ARID5B: variants seen among roughly 807,000 people sequenced by gnomAD.
The protein encoded by ARID5B is AT-rich interaction domain 5B.
A neutral mutation model predicts 97.2 loss-of-function variants in ARID5B; 13 were observed. The observed-to-expected ratio is 0.13, with a 90% CI of 0.09 to 0.21. ARID5B has a LOEUF of 0.21. Ranked by LOEUF, ARID5B falls within the 10% of genes least tolerant of loss-of-function variation. The probability of loss-of-function intolerance (pLI) is 1.00; values close to 1 mark genes in which losing one functional copy is unlikely to be tolerated. For synonymous variants in ARID5B, 556 were observed against 570.3 expected, an observed-to-expected ratio of 0.97 and a Z score of 0.36; for missense variants, 1,210 against 1,465.3, an observed-to-expected ratio of 0.83 and a Z score of 2.84.
In ARID5B at chr10:62,091,353, G is replaced by A; in HGVS notation, c.1890G>A (p.Val630=). The A allele has an allele frequency of 6.2e-7, 1 of 1,614,184 alleles. No individual in the cohort carries two copies. The highest frequency in any genetic ancestry group is 8.5e-7 in the Non-Finnish European group (1 of 1,180,044). Residue 630 remains valine, a synonymous_variant, in exon 10 of 10, where the codon GTG becomes GTA. Coordinates refer to ENST00000279873, the MANE Select transcript of ARID5B (RefSeq NM_032199.3). The part of the protein sequence containing the change: ...ADYIANCTVK[V]DQLGSDDIHN... ...ACATTGCCAACTGCACCGTGAAGGTGGACCAGCTGGGCAGTGACGACATCC... is the reference window on the plus strand; with the variant it reads ...ACATTGCCAACTGCACCGTGAAGGTAGACCAGCTGGGCAGTGACGACATCC...
chr10:62,077,522 A>G (rs1445576704), intron 8 of ARID5B, among the ~76,000 whole-genome samples: 1 of 124,230 alleles, frequency 8.0e-6, no homozygotes, highest in Non-Finnish European at 1.9e-5. Flanking sequence ...TCTTTGTTTG[A>G]CCCCCCCCAA....
At chr10:62,072,833 A>G (rs1346121376) in intron 8 of ARID5B, among the ~76,000 whole-genome samples, 1 of 152,210 alleles carries the variant, frequency 6.6e-6, no homozygotes, top group African/African-American at 2.4e-5. Context: ...AGAAAAAGCT[A>G]GGATTACCGT....
intron 3 of ARID5B, among the ~76,000 whole-genome samples, chr10:61,958,838 T>A (rs1838430608): frequency 6.6e-6 from 1 of 152,218 alleles, no homozygotes; most frequent in South Asian, 2.1e-4. Context: ...ATATGTATAT[T>A]GTATATTCCT....
At chr10:62,047,081 G>A (rs1335721083) in intron 4 of ARID5B, 1 of 152,160 alleles carries the variant, frequency 6.6e-6, no homozygotes, top group Non-Finnish European at 1.5e-5. Flanking sequence ...TCTGGATAAA[G>A]TCCAGTTGCC....
At chr10:61,951,485 A>T (rs1169675120) in intron 3 of ARID5B, among the ~76,000 whole-genome samples, 1 of 152,222 alleles carries the variant, frequency 6.6e-6, no homozygotes, top group African/African-American at 2.4e-5. Flanking sequence ...CATTCCGCTT[A>T]GGATCCCTGT....
chr10:62,045,448 T>C (rs1839694259), intron 4 of ARID5B, among the ~76,000 whole-genome samples: 1 of 2,038 alleles, frequency 4.9e-4, no homozygotes, highest in Non-Finnish European at 0.083. Flanking sequence ...TGCCAGGGTA[T>C]TTTTTTTTTT....
intron 2 of ARID5B, among the ~76,000 whole-genome samples, chr10:61,907,864 G>A (rs772787785): frequency 2.0e-5 from 3 of 152,238 alleles, no homozygotes; most frequent in Admixed American, 6.5e-5. Flanking sequence ...TTACCAGATC[G>A]CTGACAAAGT....
intron 4 of ARID5B, among the ~76,000 whole-genome samples, chr10:62,034,676 G>A (rs545185185): frequency 2.6e-5 from 4 of 152,346 alleles, no homozygotes; most frequent in South Asian, 4.1e-4. Flanking sequence ...TTGCAATCAA[G>A]ATAAAAGCAT....
intron 2 of ARID5B, 67 bp from the exon 3 acceptor site, chr10:61,940,116 G>A: frequency 1.4e-6 from 2 of 1,458,282 alleles, no homozygotes; most frequent in Admixed American, 1.7e-5. Flanking sequence ...GGGCCTTGTG[G>A]AGAGTGGATC....
At chr10:61,904,867 T>G (rs1050880662) in intron 2 of ARID5B, among the ~76,000 whole-genome samples, 1 of 152,220 alleles carries the variant, frequency 6.6e-6, no homozygotes, top group Non-Finnish European at 1.5e-5. Flanking sequence ...AGTTTCCCAA[T>G]GCAGATCGGT....
chr10:61,936,876 A>G (rs1336102980), intron 2 of ARID5B, among the ~76,000 whole-genome samples: 1 of 148,182 alleles, frequency 6.7e-6, no homozygotes, highest in Non-Finnish European at 1.5e-5. Context: ...AAGAAAAAAA[A>G]ACTTTGAAGT....
chr10:61,981,832 A>G (rs867645374), intron 3 of ARID5B, among the ~76,000 whole-genome samples: 1 of 152,220 alleles, frequency 6.6e-6, no homozygotes, highest in African/African-American at 2.4e-5. Flanking sequence ...CCAAGGATGC[A>G]TTAAGCAGAA....
At chr10:61,921,976 G>T (rs1333482678) in intron 2 of ARID5B, among the ~76,000 whole-genome samples, 2 of 152,030 alleles carry the variant, frequency 1.3e-5, no homozygotes, top group Non-Finnish European at 2.9e-5. Flanking sequence ...CAAATAGCTG[G>T]GACCACAGGC....
At chr10:61,901,821 C>CT in intron 1 of ARID5B, 91 bp downstream of exon 1, 1 of 1,030,640 alleles carries the variant, frequency 9.7e-7, no homozygotes, top group Non-Finnish European at 1.5e-6. Context: ...CCACCCACAC[C>CT]CCCCACAAAC....
intron 4 of ARID5B, among the ~76,000 whole-genome samples, chr10:62,011,521 CA>C (rs756289147): frequency 2.6e-5 from 4 of 152,130 alleles, no homozygotes; most frequent in Non-Finnish European, 5.9e-5. Context: ...CCCTTGGTGC[CA>C]GTGTCACCTA....
Position 61,975,670 on chromosome 10 carries a change from G to T in ARID5B, c.503-24421G>T, listed in dbSNP as rs1316229165. Among the ~76,000 whole-genome samples, 3 of 152,050 alleles carry T rather than the reference G, an allele frequency of 2.0e-5. No homozygotes were observed. The East Asian group carries it at 5.8e-4, about 29-fold the overall frequency. On this transcript the variant is annotated intron_variant, in intron 3 of 9. Coordinates refer to ENST00000279873, the MANE Select transcript of ARID5B (RefSeq NM_032199.3). ...TTATAAGTATTAAATGGTCTATATT[G>T]CATGAGTACCATCATTATTATTAGA...
intron 2 of ARID5B, among the ~76,000 whole-genome samples, chr10:61,919,050 C>CA (rs1325443858): frequency 9.1e-6 from 1 of 109,452 alleles, no homozygotes. Flanking sequence ...CCCCCCCCCC[C>CA]CCAAAAAAAT....
chr10:61,911,485 C>T (rs548342559), intron 2 of ARID5B, among the ~76,000 whole-genome samples: 5 of 152,252 alleles, frequency 3.3e-5, no homozygotes, highest in Admixed American at 3.3e-4. Flanking sequence ...GTGGTGGTAA[C>T]ATTTGCATTA....
intron 2 of ARID5B, among the ~76,000 whole-genome samples, chr10:61,904,804 A>C (rs1843680475): frequency 6.6e-6 from 1 of 152,264 alleles, no homozygotes; most frequent in Non-Finnish European, 1.5e-5. Flanking sequence ...AAAATTATGC[A>C]AATGCAGACT....
Sources: gnomAD v4.1 joint callset for allele counts (sites outside exome capture counted in the v4.1 genomes callset) on GRCh38, gnomAD v4.1.1 for gene constraint, MANE v1.5 for transcripts, NCBI Gene and HGNC (gene_info 2026-07-23, HGNC 2026-07-21) for gene names.